MAML3: variants seen among roughly 807,000 people sequenced by gnomAD.
The protein encoded by MAML3 is mastermind like transcriptional coactivator 3, also known as mastermind-like protein 3.
Under a neutral mutation model 101.9 loss-of-function variants are expected in MAML3, and 27 were observed. The ratio of observed to expected loss-of-function variants is 0.27; its 90% CI spans 0.20 to 0.37. The LOEUF is 0.37. Among genes scored for constraint, MAML3 ranks in the 10% least tolerant of loss-of-function variants. MAML3 has a pLI of 1.00. For missense variants in MAML3, 1,316 were observed against 1,444.9 expected, an observed-to-expected ratio of 0.91 and a Z score of 1.45; for synonymous variants, 501 against 555.9, an observed-to-expected ratio of 0.90 and a Z score of 1.39.
chr4:140,037,624 A>C (rs1727008183), intron 1 of MAML3, among the ~76,000 whole-genome samples: 1 of 152,252 alleles, frequency 6.6e-6, no homozygotes, highest in Admixed American at 6.5e-5. Flanking sequence ...GCACGTCTTC[A>C]TTCAGCACAA....
intron 1 of MAML3, among the ~76,000 whole-genome samples, chr4:139,952,194 A>G (rs1733842708): frequency 6.6e-6 from 1 of 152,164 alleles, no homozygotes; most frequent in Non-Finnish European, 1.5e-5. Context: ...AAGAAGGGCC[A>G]TTATAATATC....
In MAML3 at chr4:139,719,268, T is replaced by G. The variant is rs188325126; in HGVS notation, c.*55A>C. The G allele has an allele frequency of 1.9e-4, 288 of 1,511,472 alleles. No homozygotes were observed. The East Asian group carries it at 5.9e-3, about 31-fold the overall frequency. The allele number at this position is 1,511,472 out of a possible 1,614,324, so 93.6% of individuals were successfully genotyped here. A position where few individuals can be genotyped will look rare whatever the true frequency, so the allele number is the denominator to read the frequency against. On this transcript the variant is annotated 3_prime_UTR_variant, in exon 5 of 5. Coordinates refer to ENST00000509479, the MANE Select transcript of MAML3 (RefSeq NM_018717.5). ...AAGGATGGGTCAACATCCTGTTTCT[T>G]TTTCACTTTTTAAGCTTTAACCACT...
chr4:139,977,087 C>T (rs753457125), intron 1 of MAML3, among the ~76,000 whole-genome samples: 5 of 152,242 alleles, frequency 3.3e-5, no homozygotes, highest in South Asian at 2.1e-4. Flanking sequence ...TGAGCTGCTT[C>T]GGCCCTTCCA....
intron 1 of MAML3, among the ~76,000 whole-genome samples, chr4:139,988,053 A>C (rs1407927304): frequency 6.8e-6 from 1 of 146,922 alleles, no homozygotes; most frequent in Non-Finnish European, 1.5e-5. Context: ...GGAAGAAAGA[A>C]GAAACAAGAA....
chr4:139,896,535 A>T (rs1194872311), intron 1 of MAML3, among the ~76,000 whole-genome samples: 1 of 151,656 alleles, frequency 6.6e-6, no homozygotes, highest in Admixed American at 6.6e-5. Flanking sequence ...GAAGGAAACA[A>T]TTCATCTTCC....
At chr4:139,922,824 G>C (rs911314905) in intron 1 of MAML3, among the ~76,000 whole-genome samples, 1 of 152,180 alleles carries the variant, frequency 6.6e-6, no homozygotes, top group African/African-American at 2.4e-5. Context: ...ATTTCCTGAG[G>C]TTCCTGGCAC....
intron 1 of MAML3, among the ~76,000 whole-genome samples, chr4:140,092,844 C>CT (rs1560891177): frequency 7.5e-6 from 1 of 134,214 alleles, no homozygotes; most frequent in African/African-American, 2.7e-5. Flanking sequence ...TGTGCTGTGC[C>CT]TGGCTGTACA....
At chr4:140,148,281 T>C (rs1729098518) in intron 1 of MAML3, among the ~76,000 whole-genome samples, 1 of 152,224 alleles carries the variant, frequency 6.6e-6, no homozygotes, top group Non-Finnish European at 1.5e-5. Flanking sequence ...GAGCATTTTG[T>C]AGATTATGAT....
chr4:139,865,835 G>A (rs1731888276), intron 2 of MAML3, among the ~76,000 whole-genome samples: 1 of 152,238 alleles, frequency 6.6e-6, no homozygotes, highest in South Asian at 2.1e-4. Context: ...CAGAAGCAAG[G>A]CAAGAGCCTG....
intron 1 of MAML3, among the ~76,000 whole-genome samples, chr4:140,053,993 A>G (rs1727311418): frequency 6.6e-6 from 1 of 152,210 alleles, no homozygotes. Flanking sequence ...AAGTAGAACA[A>G]AAGACAAGGT....
chr4:139,797,254 A>C (rs1475091703), intron 2 of MAML3, among the ~76,000 whole-genome samples: 1 of 152,230 alleles, frequency 6.6e-6, no homozygotes, highest in East Asian at 1.9e-4. Context: ...AACTAATAAG[A>C]GTCCAGTTAT....
intron 2 of MAML3, among the ~76,000 whole-genome samples, chr4:139,851,663 A>C (rs1731555895): frequency 6.6e-6 from 1 of 152,242 alleles, no homozygotes; most frequent in Non-Finnish European, 1.5e-5. Context: ...TCAGGCCTTT[A>C]AGTGGAAAAT....
rs373302166 is a variant in MAML3 at position 140,038,468 on chromosome 4, A to G, written c.468+114392T>C. On this transcript the variant is annotated intron_variant, in intron 1 of 4. Transcript: ENST00000509479. Reference sequence around the variant, plus strand: ...TGTGTCTTTTTTCTCTACTGGTGGCAAGGATTATATGTTTTCCTTCCCTGA... The same window carrying G: ...TGTGTCTTTTTTCTCTACTGGTGGCGAGGATTATATGTTTTCCTTCCCTGA... 6.0e-4 allele frequency among the ~76,000 whole-genome samples: 91 copies of G among 152,320 alleles called. No homozygotes were observed. The Middle Eastern group carries it at 0.017, about 28-fold the overall frequency.
chr4:139,865,559 G>C (rs1731882528), intron 2 of MAML3, among the ~76,000 whole-genome samples: 1 of 145,704 alleles, frequency 6.9e-6, no homozygotes, highest in Admixed American at 6.8e-5. Context: ...TATCTTTGTA[G>C]AAGTGGTCCA....
chr4:139,922,755 T>C (rs955415858), intron 1 of MAML3, among the ~76,000 whole-genome samples: 8 of 152,220 alleles, frequency 5.3e-5, no homozygotes, highest in Non-Finnish European at 8.8e-5. Context: ...AGAGAAATGC[T>C]ACCCACAATG....
intron 1 of MAML3, among the ~76,000 whole-genome samples, chr4:140,043,215 T>C (rs564649756): frequency 1.3e-5 from 2 of 152,272 alleles, no homozygotes; most frequent in South Asian, 4.1e-4. Context: ...ATTTCTCAAG[T>C]CTTCACTTAC....
At chr4:140,006,297 G>A (rs1243576476) in intron 1 of MAML3, among the ~76,000 whole-genome samples, 1 of 152,054 alleles carries the variant, frequency 6.6e-6, no homozygotes, top group African/African-American at 2.4e-5. Flanking sequence ...AAGTGAATTA[G>A]GAAACAGGCC....
chr4:139,866,301 C>T (rs957520378), intron 2 of MAML3, among the ~76,000 whole-genome samples: 3 of 152,210 alleles, frequency 2.0e-5, no homozygotes, highest in African/African-American at 7.2e-5. Context: ...GGGAGGGACA[C>T]GCTTGTCTCT....
At chr4:140,100,232 C>T (rs888041130) in intron 1 of MAML3, among the ~76,000 whole-genome samples, 2 of 152,138 alleles carry the variant, frequency 1.3e-5, no homozygotes, top group African/African-American at 2.4e-5. Context: ...CTCTCTGCAA[C>T]GTTCCCGGAT....
Sources: gnomAD v4.1 joint callset for allele counts (sites outside exome capture counted in the v4.1 genomes callset) on GRCh38, gnomAD v4.1.1 for gene constraint, MANE v1.5 for transcripts, NCBI Gene and HGNC (gene_info 2026-07-23, HGNC 2026-07-21) for gene names.